The following XIAP variants were observed in gnomAD, a reference collection of about 807,000 sequenced individuals.
XIAP encodes the protein X-linked inhibitor of apoptosis.
XIAP carries 3 observed loss-of-function variants against 33.1 expected under a neutral mutation model. That is an observed-to-expected ratio of 0.09 (90% confidence interval 0.04 to 0.23). XIAP has a LOEUF of 0.23. XIAP is among the 10% of genes least tolerant of loss of function. The pLI is 1.00. For missense variants in XIAP, 264 were observed against 363.0 expected, an observed-to-expected ratio of 0.73 and a Z score of 2.22; for synonymous variants, 98 against 121.3, an observed-to-expected ratio of 0.81 and a Z score of 1.26.
Position 123,892,654 on chromosome X carries a change from T to A in XIAP, c.1057-77T>A, listed in dbSNP as rs776817309. ...AAGCCAATTTATTTTAAATTTATGA[T>A]TAATTTCACTTTTCAAATGGAAATG... On this transcript the variant is annotated intron_variant, in intron 4 of 6. Coordinates refer to ENST00000371199, the MANE Select transcript of XIAP (RefSeq NM_001167.4). 8 of 864,455 alleles carry A rather than the reference T, an allele frequency of 9.3e-6. No homozygotes were observed. In the African/African-American group the frequency reaches 1.6e-4, roughly 17 times the overall value. 71.2% of individuals were successfully genotyped at this position (864,455 alleles called of 1,213,427 possible). A position where few individuals can be genotyped will look rare whatever the true frequency, so the allele number is the denominator to read the frequency against.
At chrX:123,891,398 A>G in intron 4 of XIAP, 82 bp downstream of exon 4, 1 of 467,423 alleles carries the variant, frequency 2.1e-6, no homozygotes, top group East Asian at 4.2e-5. Context: ...ATATTATATC[A>G]TTTGTTTTAT....
upstream of XIAP, chrX:123,859,999 CCCAGTGGCGCA>C (rs2053063238): frequency 3.2e-6 from 1 of 310,259 alleles, no homozygotes; most frequent in East Asian, 1.0e-4. Context: ...CACGCCGGGG[CCCAGTGGCGCA>C]GCCCGGGCTG....
intron 5 of XIAP, 68 bp from the exon 6 acceptor site, chrX:123,900,425 T>C: frequency 3.1e-6 from 3 of 959,168 alleles, no homozygotes; most frequent in East Asian, 3.2e-5. Context: ...TATTTTGCTA[T>C]TGAGTTGTGA....
intron 5 of XIAP, among the ~76,000 whole-genome samples, chrX:123,897,061 A>C (rs1350160953): frequency 9.5e-6 from 1 of 105,772 alleles, no homozygotes; most frequent in Non-Finnish European, 1.9e-5. Context: ...CCTCCCCAGT[A>C]GCTGGGATTA....
chrX:123,911,726 G>A lies in XIAP; in HGVS notation c.*4545G>A, dbSNP rs1026240729. On this transcript the variant is annotated 3_prime_UTR_variant, in exon 7 of 7. Transcript: ENST00000371199. Reference sequence around the variant, plus strand: ...AAAATATTTAAATTCTTAAAAAATTGAAAAGATTATTCTTCTCAAATTTAG... The same window carrying A: ...AAAATATTTAAATTCTTAAAAAATTAAAAAGATTATTCTTCTCAAATTTAG... 1.2e-5 allele frequency: 4 copies of A among 326,766 alleles called. No homozygotes were observed. The highest frequency in any genetic ancestry group is 7.9e-5 in the South Asian group (3 of 38,038). The allele number at this position is 326,766 out of a possible 1,213,427, so 26.9% of individuals were successfully genotyped here.
At chrX:123,888,865 T>C in intron 3 of XIAP, 147 bp downstream of exon 3, 1 of 510,653 alleles carries the variant, frequency 2.0e-6, no homozygotes, top group Non-Finnish European at 3.4e-6. Context: ...TTATAAGCCT[T>C]CTCTGATGAC....
At chrX:123,895,270 A>G (rs2053449681) in intron 5 of XIAP, among the ~76,000 whole-genome samples, 1 of 112,242 alleles carries the variant, frequency 8.9e-6, no homozygotes. Flanking sequence ...GTTGTAGCAT[A>G]TATGAGTACT....
intron 1 of XIAP, among the ~76,000 whole-genome samples, chrX:123,883,106 G>A (rs1018635435): frequency 1.0e-5 from 1 of 96,206 alleles, no homozygotes; most frequent in African/African-American, 3.9e-5. Flanking sequence ...TTTTTGAGAT[G>A]GAGCCTCGCT....
At chrX:123,871,713 T>C (rs1455149874) in intron 1 of XIAP, among the ~76,000 whole-genome samples, 1 of 110,265 alleles carries the variant, frequency 9.1e-6, no homozygotes, top group Non-Finnish European at 1.9e-5. Flanking sequence ...CCCAAGTGGA[T>C]TAGTTTCTTT....
chrX:123,899,144 A>AAAAAAAAAATAT (rs1186271285), intron 5 of XIAP, among the ~76,000 whole-genome samples: 4 of 50,184 alleles, frequency 8.0e-5, no homozygotes, highest in Admixed American at 2.4e-4. Flanking sequence ...AAAAAAAAAA[A>AAAAAAAAAATAT]ATATATATAT....
intron 5 of XIAP, among the ~76,000 whole-genome samples, chrX:123,894,956 GTAAA>G (rs113036397): frequency 0.22 from 22,802 of 105,594 alleles, 1,940 homozygotes; most frequent in East Asian, 0.49. Context: ...ACATAAATAA[GTAAA>G]TAAATAAATA....
chrX:123,903,679 A>G (rs1211351706), intron 6 of XIAP, among the ~76,000 whole-genome samples: 1 of 102,728 alleles, frequency 9.7e-6, no homozygotes, highest in East Asian at 2.9e-4. Context: ...GATAAAATAC[A>G]CATACAGTTT....
In XIAP at chrX:123,887,856, C is replaced by T. The variant is rs187602771; in HGVS notation, c.878-763C>T. On this transcript the variant is annotated intron_variant, in intron 2 of 6. Coordinates refer to ENST00000371199, the MANE Select transcript of XIAP (RefSeq NM_001167.4). ...AAAATTAGCTGGGCGTGATGGCATG[C>T]GCCTGTAGTCCCAGCTACTTGGGAG... Among the ~76,000 whole-genome samples the T allele has an allele frequency of 2.3e-3, 251 of 108,893 alleles. 2 individuals carry two copies. Among genetic ancestry groups the T allele is most frequent in the African/African-American group, 8.0e-3 (239 of 29,917 alleles). The allele number at this position is 108,893 out of a possible 115,157, so 94.6% of individuals were successfully genotyped here.
At position 123,892,793 on chromosome X, in the gene XIAP, A is replaced by G. The variant is rs751904914; in HGVS notation, c.1099+20A>G. On this transcript the variant is annotated intron_variant, in intron 5 of 6. Coordinates refer to ENST00000371199, the MANE Select transcript of XIAP (RefSeq NM_001167.4). ...GAATTGGTAAATATGCTTGTTAACT[A>G]TCCTTTTAATTTAACTGCCAATTTA... The G allele has an allele frequency of 2.2e-5, 25 of 1,152,057 alleles. No individual in the cohort carries two copies. In the South Asian group the frequency reaches 4.3e-4, roughly 20 times the overall value. The allele number at this position is 1,152,057 out of a possible 1,213,427, so 94.9% of individuals were successfully genotyped here.
At chrX:123,866,009 C>G (rs749018995) in intron 1 of XIAP, among the ~76,000 whole-genome samples, 1 of 108,768 alleles carries the variant, frequency 9.2e-6, no homozygotes, top group Admixed American at 1.0e-4. Flanking sequence ...GCTGCGATCT[C>G]TGTTCACTGC....
chrX:123,909,175 G>A lies in XIAP; in HGVS notation c.*1994G>A, dbSNP rs1354900528. ...TCCTGAGTAGCTGGAATTACAGGCA[G>A]GTGCCACCATGCCCGACTAATTTTT... On this transcript the variant is annotated 3_prime_UTR_variant, in exon 7 of 7. Transcript: ENST00000371199. The A allele has an allele frequency of 3.0e-5, 8 of 270,503 alleles. No individual in the cohort carries two copies. The East Asian group carries it at 3.0e-4, about 10-fold the overall frequency. 22.3% of individuals were successfully genotyped at this position (270,503 alleles called of 1,213,427 possible).
chrX:123,894,686 T>G (rs1486805251), intron 5 of XIAP, among the ~76,000 whole-genome samples: 4 of 110,337 alleles, frequency 3.6e-5, no homozygotes, highest in Non-Finnish European at 7.6e-5. Flanking sequence ...GAGAATTGCT[T>G]GAACCTGGGA....
chrX:123,893,734 G>A (rs1375452513), intron 5 of XIAP, among the ~76,000 whole-genome samples: 2 of 111,226 alleles, frequency 1.8e-5, no homozygotes, highest in African/African-American at 6.5e-5. Context: ...CCAGCTACTC[G>A]GGAGGCCGAG....
chrX:123,875,082 G>T (rs1279306703), intron 1 of XIAP, among the ~76,000 whole-genome samples: 1 of 102,120 alleles, frequency 9.8e-6, no homozygotes, highest in Non-Finnish European at 2.0e-5. Context: ...GAGTACGATG[G>T]CACAATCTCA....
Sources: gnomAD v4.1 joint callset for allele counts (sites outside exome capture counted in the v4.1 genomes callset) on GRCh38, gnomAD v4.1.1 for gene constraint, MANE v1.5 for transcripts, NCBI Gene and HGNC (gene_info 2026-07-23, HGNC 2026-07-21) for gene names.